ANKRD44: variants seen among roughly 807,000 people sequenced by gnomAD.
The protein encoded by ANKRD44 is serine/threonine-protein phosphatase 6 regulatory ankyrin repeat subunit B.
In ANKRD44, 35 loss-of-function variants were observed where a neutral mutation model predicts 116.0. The observed-to-expected ratio is 0.30, with a 90% CI of 0.23 to 0.40. The LOEUF is 0.40. Among genes scored for constraint, ANKRD44 ranks in the 10% least tolerant of loss-of-function variants. ANKRD44 has a pLI of 1.00. For missense variants in ANKRD44, 1,014 were observed against 1,242.6 expected (o/e 0.82, Z 2.77); for synonymous variants, 435 against 461.8 (o/e 0.94, Z 0.74).
chr2:197,128,435 C>G (rs753036381), intron 4 of ANKRD44, among the ~76,000 whole-genome samples: 5 of 152,130 alleles, frequency 3.3e-5, no homozygotes, highest in Non-Finnish European at 5.9e-5. Flanking sequence ...GCATGAATGT[C>G]TTCTTTTGAG....
At chr2:196,971,752 C>A (rs112120507) in intron 21 of ANKRD44, among the ~76,000 whole-genome samples, 1 of 152,142 alleles carries the variant, frequency 6.6e-6, no homozygotes, top group African/African-American at 2.4e-5. Flanking sequence ...TAGACCTGGG[C>A]CCCCTGCTAG....
chr2:196,987,102 C>A lies in ANKRD44; in HGVS notation c.*2489G>T. ...TTGAATTTTTAGATCACATAAGAAA[C>A]GCATAGAATTACATTTTATACAAAC... On this transcript the variant is annotated 3_prime_UTR_variant, in exon 28 of 28. Coordinates refer to ENST00000282272, the MANE Select transcript of ANKRD44 (RefSeq NM_001195144.2). 4 of 984,254 alleles carry A rather than the reference C, an allele frequency of 4.1e-6. No individual in the cohort carries two copies. The highest frequency in any genetic ancestry group is 4.8e-6 in the Non-Finnish European group (4 of 828,942). The allele number at this position is 984,254 out of a possible 1,614,324, so 61.0% of individuals were successfully genotyped here. A position where few individuals can be genotyped will look rare whatever the true frequency, so the allele number is the denominator to read the frequency against.
chr2:197,089,261 T>C (rs758053050), intron 11 of ANKRD44, among the ~76,000 whole-genome samples: 1 of 152,100 alleles, frequency 6.6e-6, no homozygotes, highest in Non-Finnish European at 1.5e-5. Context: ...GAATCAGCCA[T>C]AGGTAAAGTA....
intron 2 of ANKRD44, among the ~76,000 whole-genome samples, chr2:197,153,958 TTGTACA>T (rs1175940577): frequency 9.9e-5 from 15 of 152,146 alleles, no homozygotes; most frequent in Non-Finnish European, 2.2e-4. Context: ...GTGTACACCT[TTGTACA>T]TGTCTGTCTG....
chr2:197,081,232 G>C (rs2077787840), intron 15 of ANKRD44, among the ~76,000 whole-genome samples: 1 of 152,144 alleles, frequency 6.6e-6, no homozygotes, highest in Admixed American at 6.5e-5. Flanking sequence ...AAGCACAAAT[G>C]GTTATTTCAC....
intron 18 of ANKRD44, among the ~76,000 whole-genome samples, chr2:197,011,502 TAGC>T: frequency 6.6e-6 from 1 of 151,342 alleles, no homozygotes; most frequent in Non-Finnish European, 1.5e-5. Flanking sequence ...AGGTAGAGTC[TAGC>T]TCTGTTGCCC....
Position 197,094,484 on chromosome 2 carries a change from T to C in ANKRD44, c.1101-4452A>G, listed in dbSNP as rs775693712. ...AGGTTAATTGGTAATCAGCAGTACA[T>C]GAGTTTTGAAGTTGTAATCAGGTTG... On this transcript the variant is annotated intron_variant, in intron 10 of 27. Coordinates refer to ENST00000282272, the MANE Select transcript of ANKRD44 (RefSeq NM_001195144.2). Among the ~76,000 whole-genome samples, 3 of 152,214 alleles carry C rather than the reference T, an allele frequency of 2.0e-5. 1 individual carries two copies. Among genetic ancestry groups the C allele is most frequent in the Middle Eastern group, 6.3e-3 (2 of 316 alleles).
intron 3 of ANKRD44, 82 bp downstream of exon 3, chr2:197,146,945 G>T: frequency 8.3e-7 from 1 of 1,199,636 alleles, no homozygotes; most frequent in Non-Finnish European, 1.2e-6. Context: ...ATTTTGCTTG[G>T]GTTCACTGTA....
At chr2:197,189,136 C>A (rs2080760594) in intron 1 of ANKRD44, among the ~76,000 whole-genome samples, 1 of 151,952 alleles carries the variant, frequency 6.6e-6, no homozygotes, top group African/African-American at 2.4e-5. Flanking sequence ...TTTGGGGGAC[C>A]AATATAAGTA....
intron 1 of ANKRD44, among the ~76,000 whole-genome samples, chr2:197,241,383 C>T (rs907805522): frequency 3.3e-5 from 5 of 152,176 alleles, no homozygotes; most frequent in African/African-American, 1.2e-4. Context: ...TCATGGATCT[C>T]CAAGAGGGGC....
chr2:197,151,794 A>T (rs2079658379), intron 2 of ANKRD44, among the ~76,000 whole-genome samples: 1 of 152,254 alleles, frequency 6.6e-6, no homozygotes, highest in African/African-American at 2.4e-5. Flanking sequence ...TAGAATAAAA[A>T]CAATAGCAGG....
intron 3 of ANKRD44, among the ~76,000 whole-genome samples, chr2:197,142,634 T>C (rs569031791): frequency 2.6e-5 from 4 of 152,296 alleles, no homozygotes; most frequent in African/African-American, 9.6e-5. Flanking sequence ...GCACCACATT[T>C]GTAGGCCAAA....
In ANKRD44 at chr2:197,000,482, CA is replaced by C; in HGVS notation, c.2455del (p.Cys819ValfsTer9). 6.2e-7 allele frequency: 1 copy of C among 1,613,968 alleles called. No individual in the cohort carries two copies. The highest frequency in any genetic ancestry group is 1.1e-5 in the South Asian group (1 of 91,088). On this transcript the variant is annotated frameshift_variant, in exon 23 of 28. Coordinates refer to ENST00000282272, the MANE Select transcript of ANKRD44 (RefSeq NM_001195144.2). LOFTEE classifies it high-confidence loss of function. ...TATGGCCCCAAGCAGCAATGATGCA[CA>C]ATTCCCATGATCATTGATTCTAAAA... ...HCAIINDHGN[C>X]ASLLLGAIDS...
chr2:197,304,313 CA>C (rs1303067996), intron 1 of ANKRD44, among the ~76,000 whole-genome samples: 1 of 151,708 alleles, frequency 6.6e-6, no homozygotes, highest in East Asian at 1.9e-4. Context: ...GACTCTGTCC[CA>C]AAAAAATAAA....
intron 10 of ANKRD44, among the ~76,000 whole-genome samples, chr2:197,092,841 A>C (rs370735483): frequency 1.1e-5 from 1 of 91,380 alleles, no homozygotes; most frequent in East Asian, 4.3e-4. Context: ...CTCTTGATTC[A>C]AGAGAAACAT....
intron 16 of ANKRD44, among the ~76,000 whole-genome samples, chr2:197,063,523 C>T (rs531899430): frequency 4.5e-4 from 69 of 152,232 alleles, no homozygotes; most frequent in African/African-American, 1.2e-3. Context: ...GGAGGAAGTT[C>T]GAACCCATCG....
chr2:197,237,543 C>A (rs748430373), intron 1 of ANKRD44, among the ~76,000 whole-genome samples: 31 of 152,278 alleles, frequency 2.0e-4, no homozygotes, highest in Non-Finnish European at 3.2e-4. Context: ...CTAGAAGATT[C>A]GGAGTGTGTG....
At chr2:197,130,613 C>G (rs2079073054) in intron 4 of ANKRD44, among the ~76,000 whole-genome samples, 1 of 152,202 alleles carries the variant, frequency 6.6e-6, no homozygotes, top group Non-Finnish European at 1.5e-5. Context: ...TGTCTACATT[C>G]TAATAGATTA....
intron 16 of ANKRD44, among the ~76,000 whole-genome samples, chr2:197,074,690 G>A (rs1347097298): frequency 1.3e-5 from 2 of 152,044 alleles, no homozygotes; most frequent in African/African-American, 4.8e-5. Flanking sequence ...TGTTGCCCAG[G>A]TTGGTCTTGA....
Sources: gnomAD v4.1 joint callset for allele counts (sites outside exome capture counted in the v4.1 genomes callset) on GRCh38, gnomAD v4.1.1 for gene constraint, MANE v1.5 for transcripts, NCBI Gene and HGNC (gene_info 2026-07-23, HGNC 2026-07-21) for gene names.